Variants in KCNJ15 observed in about 807,000 individuals in gnomAD.
KCNJ15 encodes potassium inwardly rectifying channel subfamily J member 15, also known as ATP-sensitive inward rectifier potassium channel 15.
KCNJ15 carries 14 observed loss-of-function variants against 23.0 expected under a neutral mutation model. That is an observed-to-expected ratio of 0.61 (90% CI 0.40 to 0.95). The LOEUF (loss-of-function observed/expected upper bound fraction) is 0.95. Among genes scored for constraint, KCNJ15 ranks in the 40% least tolerant of loss-of-function variants. The pLI, the probability that KCNJ15 is intolerant of heterozygous loss-of-function variation, is 0.00. For synonymous variants in KCNJ15, 185 were observed against 183.2 expected (o/e 1.01, Z -0.08); for missense variants, 388 against 461.8 (o/e 0.84, Z 1.46).
intron 1 of KCNJ15, among the ~76,000 whole-genome samples, chr21:38,282,677 C>T (rs113997380): frequency 0.02 from 3,105 of 152,172 alleles, 98 homozygotes; most frequent in African/African-American, 0.059. Context: ...CTAAATCGGA[C>T]GCTGAGTCCC....
chr21:38,235,727 T>C (rs985927999), intron 1 of KCNJ15, among the ~76,000 whole-genome samples: 1 of 152,208 alleles, frequency 6.6e-6, no homozygotes, highest in Non-Finnish European at 1.5e-5. Flanking sequence ...ATTTACTCTA[T>C]CAATAATATG....
chr21:38,270,290 G>A (rs1289191855), intron 1 of KCNJ15, among the ~76,000 whole-genome samples: 1 of 152,198 alleles, frequency 6.6e-6, no homozygotes, highest in African/African-American at 2.4e-5. Context: ...ATCAGATTAC[G>A]AGCCCCTGGA....
intron 1 of KCNJ15, among the ~76,000 whole-genome samples, chr21:38,268,372 A>G (rs893315505): frequency 6.6e-6 from 1 of 152,114 alleles, no homozygotes; most frequent in Non-Finnish European, 1.5e-5. Context: ...GATTAAGCCA[A>G]ACTTCAGCAA....
At chr21:38,288,026 C>CTTTTTTTCTT (rs1171718120) in intron 1 of KCNJ15, among the ~76,000 whole-genome samples, 1 of 78,170 alleles carries the variant, frequency 1.3e-5, no homozygotes, top group African/African-American at 5.1e-5. Flanking sequence ...TTGTTTTTTT[C>CTTTTTTTCTT]TTTGTTTTTT....
At chr21:38,288,018 GTTTTTTTCTTTGTTT>G (rs1984102715) in intron 1 of KCNJ15, among the ~76,000 whole-genome samples, 3 of 26,018 alleles carry the variant, frequency 1.2e-4, no homozygotes, top group Admixed American at 4.6e-4. Context: ...TAAATAACTT[GTTTTTTTCTTTGTTT>G]TTTTTTTTTT....
intron 1 of KCNJ15, among the ~76,000 whole-genome samples, chr21:38,244,701 C>G (rs1443385658): frequency 1.3e-5 from 2 of 152,124 alleles, no homozygotes; most frequent in African/African-American, 4.8e-5. Flanking sequence ...TTAGTCCCTG[C>G]ACACCCTAGG....
chr21:38,239,214 C>A (rs1412942805), intron 1 of KCNJ15, among the ~76,000 whole-genome samples: 1 of 152,218 alleles, frequency 6.6e-6, no homozygotes, highest in Non-Finnish European at 1.5e-5. Flanking sequence ...AAGGATTCAA[C>A]CAGAAATCTC....
At chr21:38,234,854 G>C (rs1368584425) in intron 1 of KCNJ15, among the ~76,000 whole-genome samples, 1 of 152,196 alleles carries the variant, frequency 6.6e-6, no homozygotes, top group African/African-American at 2.4e-5. Context: ...TCCCGAGTCA[G>C]ACAAGTAAGA....
chr21:38,261,858 C>T (rs1172207885), intron 1 of KCNJ15, among the ~76,000 whole-genome samples: 1 of 152,206 alleles, frequency 6.6e-6, no homozygotes, highest in Non-Finnish European at 1.5e-5. Context: ...GACTTGAGGG[C>T]TTGCCCCAGT....
chr21:38,260,009 G>C (rs1728234839), intron 1 of KCNJ15, among the ~76,000 whole-genome samples: 1 of 152,172 alleles, frequency 6.6e-6, no homozygotes, highest in Non-Finnish European at 1.5e-5. Flanking sequence ...TAAGGGCAGA[G>C]AGGGAGAGAA....
intron 1 of KCNJ15, among the ~76,000 whole-genome samples, chr21:38,234,932 A>T (rs1324525682): frequency 6.6e-6 from 1 of 152,242 alleles, no homozygotes; most frequent in Non-Finnish European, 1.5e-5. Context: ...TCAGGTACAG[A>T]CAATACCTGT....
chr21:38,290,707 G>A (rs1223218462), intron 1 of KCNJ15, among the ~76,000 whole-genome samples: 3 of 152,146 alleles, frequency 2.0e-5, no homozygotes, highest in Non-Finnish European at 2.9e-5. Flanking sequence ...GAGATGCTGC[G>A]GTTGGATGAG....
At chr21:38,288,517 A>G (rs571615209) in intron 1 of KCNJ15, among the ~76,000 whole-genome samples, 70 of 152,316 alleles carry the variant, frequency 4.6e-4, no homozygotes, top group Middle Eastern at 3.4e-3. Flanking sequence ...CATTTATTTC[A>G]AATAAAAGAA....
At chr21:38,233,001 C>A (rs1354924686) in intron 1 of KCNJ15, among the ~76,000 whole-genome samples, 1 of 151,814 alleles carries the variant, frequency 6.6e-6, no homozygotes, top group African/African-American at 2.4e-5. Flanking sequence ...AATTATATAT[C>A]CTTTATAACC....
intron 1 of KCNJ15, among the ~76,000 whole-genome samples, chr21:38,248,553 C>A (rs1423385000): frequency 6.6e-6 from 1 of 152,022 alleles, no homozygotes; most frequent in East Asian, 1.9e-4. Context: ...GGAGGTGCAG[C>A]AGCACTTTGA....
chr21:38,295,975 TTAACTA>T (rs987307676), intron 1 of KCNJ15, among the ~76,000 whole-genome samples: 134 of 152,268 alleles, frequency 8.8e-4, no homozygotes, highest in African/African-American at 2.8e-3. Flanking sequence ...TGGGAATACT[TTAACTA>T]TAAGAGAGTA....
At chr21:38,236,152 G>A (rs1056273626) in intron 1 of KCNJ15, among the ~76,000 whole-genome samples, 5 of 152,192 alleles carry the variant, frequency 3.3e-5, no homozygotes, top group African/African-American at 1.2e-4. Flanking sequence ...TGTCTTACCT[G>A]CCAGGTCAGG....
chr21:38,273,780 T>A (rs1367860708), intron 1 of KCNJ15, among the ~76,000 whole-genome samples: 1 of 152,246 alleles, frequency 6.6e-6, no homozygotes, highest in Admixed American at 6.5e-5. Context: ...CTTTCAGAAT[T>A]TCACGTGTGC....
chr21:38,294,446 G>A (rs6517460), intron 1 of KCNJ15, among the ~76,000 whole-genome samples: 15,268 of 152,106 alleles, frequency 0.1, 2,180 homozygotes, highest in African/African-American at 0.32. Context: ...GAGGAACCCC[G>A]GTTCTGGGGA....
Sources: allele counts gnomAD v4.1 joint callset (sites outside exome capture counted in the v4.1 genomes callset), GRCh38; gene constraint gnomAD v4.1.1; transcripts MANE v1.5; gene names NCBI Gene and HGNC (gene_info 2026-07-23, HGNC 2026-07-21).